Variants in GOT2 observed in about 807,000 individuals in gnomAD.
The protein encoded by GOT2 is aspartate aminotransferase, mitochondrial.
GOT2 carries 17 observed loss-of-function variants against 50.0 expected under a neutral mutation model. That is an observed-to-expected ratio of 0.34 (90% CI 0.23 to 0.51). GOT2 has a LOEUF of 0.51. Ranked by LOEUF, GOT2 falls within the 20% of genes least tolerant of loss-of-function variation. The pLI is 0.97. For synonymous variants in GOT2, 172 were observed against 204.9 expected (o/e 0.84, Z 1.37); for missense variants, 430 against 559.6 (o/e 0.77, Z 2.34).
intron 1 of GOT2, among the ~76,000 whole-genome samples, chr16:58,733,265 A>T (rs2044850198): frequency 6.6e-6 from 1 of 152,114 alleles, no homozygotes; most frequent in Non-Finnish European, 1.5e-5. Context: ...TATACACGCC[A>T]CAGTACGAAA....
chr16:58,710,937 C>T (rs1468176692), intron 8 of GOT2, among the ~76,000 whole-genome samples: 2 of 135,606 alleles, frequency 1.5e-5, no homozygotes, highest in Admixed American at 1.7e-4. Context: ...CACTGCACTC[C>T]AGCCTGGGTG....
At chr16:58,733,402 G>C (rs1347100325) in intron 1 of GOT2, among the ~76,000 whole-genome samples, 1 of 152,118 alleles carries the variant, frequency 6.6e-6, no homozygotes, top group African/African-American at 2.4e-5. Context: ...AATATTTACT[G>C]AATGAAAGAG....
chr16:58,710,401 T>C (rs188436133), intron 8 of GOT2, among the ~76,000 whole-genome samples: 2,677 of 150,924 alleles, frequency 0.018, 75 homozygotes, highest in African/African-American at 0.061. Flanking sequence ...CTTTTCTTTT[T>C]TTTTTTTTTT....
In GOT2 at chr16:58,722,140, C is replaced by G; in HGVS notation, c.375+10G>C. ...AGACCTGGGATGATGCCAGAGCCTG[C>G]TCAGCTTACCCGGCCACTCTTCAAG... On this transcript the variant is annotated intron_variant, in intron 3 of 9. Transcript: ENST00000245206. 1 of 1,611,714 alleles carries G rather than the reference C, an allele frequency of 6.2e-7. No homozygotes were observed. The highest frequency in any genetic ancestry group is 1.3e-5 in the African/African-American group (1 of 74,954).
At position 58,733,820 on chromosome 16, in the gene GOT2, G is replaced by A. The variant is rs1056336869; in HGVS notation, c.89+320C>T. The A allele has an allele frequency of 7.7e-5, 23 of 300,054 alleles. 1 individual carries two copies. The Middle Eastern group carries it at 5.2e-3, about 68-fold the overall frequency. 18.6% of individuals were successfully genotyped at this position (300,054 alleles called of 1,614,324 possible). ...CGGCGCCGCTGCCCCAGTACTATCC[G>A]CACCCCTCCCACTGAATGGGAGTCC... On this transcript the variant is annotated intron_variant, in intron 1 of 9. Transcript: ENST00000245206.
chr16:58,712,717 A>C (rs1266644067), intron 8 of GOT2, among the ~76,000 whole-genome samples: 1 of 152,226 alleles, frequency 6.6e-6, no homozygotes, highest in African/African-American at 2.4e-5. Context: ...ATTTTTAAAA[A>C]CATTGAAAAT....
In GOT2 at chr16:58,731,079, G is replaced by A. The variant is rs116421001; in HGVS notation, c.89+3061C>T. ...TTCTTACTTTAAAATCAGAAGGGAA[G>A]TTAATTAGCTTGCCCACAATCACAG... On this transcript the variant is annotated intron_variant, in intron 1 of 9. Transcript: ENST00000245206. Among the ~76,000 whole-genome samples, 357 of 152,214 alleles carry A rather than the reference G, an allele frequency of 2.3e-3. 1 individual carries two copies. The highest frequency in any genetic ancestry group is 8.3e-3 in the African/African-American group (343 of 41,540).
chr16:58,718,910 T>A (rs546712818), intron 4 of GOT2, among the ~76,000 whole-genome samples: 1 of 152,304 alleles, frequency 6.6e-6, no homozygotes, highest in East Asian at 1.9e-4. Flanking sequence ...CTTTCTTCAC[T>A]TGTAAAGGGG....
intron 8 of GOT2, among the ~76,000 whole-genome samples, chr16:58,712,836 G>A (rs1007974848): frequency 1.3e-5 from 2 of 152,144 alleles, no homozygotes; most frequent in African/African-American, 4.8e-5. Flanking sequence ...GTGGCTGGGC[G>A]CAGTGGTTCA....
chr16:58,708,478 A>G (rs1288527645), intron 9 of GOT2, among the ~76,000 whole-genome samples, 185 bp from the exon 10 acceptor site: 1 of 152,180 alleles, frequency 6.6e-6, no homozygotes, highest in Non-Finnish European at 1.5e-5. Flanking sequence ...GGTGGCTCAC[A>G]CTTGTAATCC....
intron 2 of GOT2, 100 bp from the exon 3 acceptor site, chr16:58,722,378 C>CA (rs2044749655): frequency 9.6e-7 from 1 of 1,044,770 alleles, no homozygotes. Flanking sequence ...GAGGTAAAGT[C>CA]TTTTTTTTTT....
intron 8 of GOT2, among the ~76,000 whole-genome samples, chr16:58,710,376 T>C (rs1372750442): frequency 6.6e-6 from 1 of 151,338 alleles, no homozygotes; most frequent in Non-Finnish European, 1.5e-5. Context: ...CATTCCACCA[T>C]GCCTTGCTAA....
Position 58,718,747 on chromosome 16 carries a change from G to C in GOT2, c.436-59C>G, listed in dbSNP as rs77387848. On this transcript the variant is annotated intron_variant, in intron 4 of 9. Coordinates refer to ENST00000245206, the MANE Select transcript of GOT2 (RefSeq NM_002080.4). ...AACAAAGGAGAGGCAAAAAAATGTT[G>C]ATGTGTTTTATTGAGAGAACATTTT... 4,982 of 1,383,026 alleles carry C rather than the reference G, an allele frequency of 3.6e-3. 150 individuals carry two copies. In the African/African-American group the frequency reaches 0.065, roughly 18 times the overall value. 85.7% of individuals were successfully genotyped at this position (1,383,026 alleles called of 1,614,324 possible).
In GOT2 at chr16:58,722,227, C is replaced by A. The variant is rs150299674; in HGVS notation, c.298G>T (p.Gly100Trp). Residue 100 changes from glycine to tryptophan, a missense_variant, in exon 3 of 10, where the codon GGG becomes TGG. By Grantham distance (184) the Gly-to-Trp change is radical. Coordinates refer to ENST00000245206, the MANE Select transcript of GOT2 (RefSeq NM_002080.4). Reference protein sequence around the residue: ...KNLDKEYLPIGGLAEFCKASA... With the variant: ...KNLDKEYLPIWGLAEFCKASA... ...GCCTTGCAAAATTCAGCCAGTCCCC[C>A]AATGGGCAGGTATTCCTTGTCCAAA... 2.5e-6 allele frequency: 4 copies of A among 1,612,994 alleles called. No individual in the cohort carries two copies. The African/African-American group carries it at 5.3e-5, about 22-fold the overall frequency.
Position 58,707,393 on chromosome 16 carries a change from T to A in GOT2, c.*778A>T, listed in dbSNP as rs1397212112. On this transcript the variant is annotated 3_prime_UTR_variant, in exon 10 of 10. Coordinates refer to ENST00000245206, the MANE Select transcript of GOT2 (RefSeq NM_002080.4). ...CAACTGGAGAAACTTGCACTATCAT[T>A]CAAGAGGATGCCGAGATAAAGTACA... 1 of 152,180 alleles carries A rather than the reference T, an allele frequency of 6.6e-6. No individual in the cohort carries two copies. 9.4% of individuals were successfully genotyped at this position (152,180 alleles called of 1,614,324 possible).
chr16:58,710,220 T>C (rs1158249925), intron 8 of GOT2, among the ~76,000 whole-genome samples: 1 of 151,922 alleles, frequency 6.6e-6, no homozygotes, highest in East Asian at 1.9e-4. Context: ...CTTTTTCTTT[T>C]TTTCAGATAC....
intron 9 of GOT2, 32 bp from the exon 10 acceptor site, chr16:58,708,325 C>G: frequency 2.5e-6 from 4 of 1,608,860 alleles, no homozygotes; most frequent in Non-Finnish European, 3.4e-6. Context: ...GGTACCTCTT[C>G]CCGGTACAGG....
intron 9 of GOT2, among the ~76,000 whole-genome samples, chr16:58,708,572 T>C (rs1390871569): frequency 1.3e-5 from 2 of 151,428 alleles, no homozygotes; most frequent in African/African-American, 2.4e-5. Flanking sequence ...TGAGCCGAGA[T>C]TGCGCCAATG....
At chr16:58,732,090 C>T (rs970969693) in intron 1 of GOT2, among the ~76,000 whole-genome samples, 15 of 152,128 alleles carry the variant, frequency 9.9e-5, no homozygotes, top group African/African-American at 2.2e-4. Context: ...CAGCGCTTTG[C>T]GGGGCTGATG....
Sources: allele counts gnomAD v4.1 joint callset (sites outside exome capture counted in the v4.1 genomes callset), GRCh38; gene constraint gnomAD v4.1.1; transcripts MANE v1.5; gene names NCBI Gene and HGNC (gene_info 2026-07-23, HGNC 2026-07-21).